The following TTBK2 variants were observed in gnomAD, a reference collection of about 807,000 sequenced individuals.
The protein encoded by TTBK2 is tau-tubulin kinase 2.
A neutral mutation model predicts 110.8 loss-of-function variants in TTBK2; 28 were observed. The observed-to-expected ratio is 0.25, with a 90% confidence interval of 0.19 to 0.35. The LOEUF is 0.35. Among genes scored for constraint, TTBK2 ranks in the 10% least tolerant of loss-of-function variants. TTBK2 has a pLI of 1.00. For synonymous variants in TTBK2, 532 were observed against 527.3 expected (o/e 1.01, Z -0.12); for missense variants, 1,369 against 1,500.3 (o/e 0.91, Z 1.45).
intron 3 of TTBK2, among the ~76,000 whole-genome samples, chr15:42,843,575 A>G (rs1282126393): frequency 6.6e-6 from 1 of 151,984 alleles, no homozygotes; most frequent in Non-Finnish European, 1.5e-5. Flanking sequence ...GCTGGCCAAT[A>G]TGGTGAAACC....
chr15:42,749,333 T>C (rs139008398), intron 14 of TTBK2, among the ~76,000 whole-genome samples: 1 of 152,350 alleles, frequency 6.6e-6, no homozygotes, highest in East Asian at 1.9e-4. Flanking sequence ...ATCTGTCTGA[T>C]GTAATTATCT....
intron 9 of TTBK2, chr15:42,802,006 A>G (rs1239759763): frequency 6.6e-7 from 1 of 1,509,718 alleles, no homozygotes; most frequent in Non-Finnish European, 9.1e-7. Flanking sequence ...CATGTTGTCC[A>G]TGTTGCTCCG....
At chr15:42,887,611 T>C (rs895966564) in intron 1 of TTBK2, among the ~76,000 whole-genome samples, 1 of 152,164 alleles carries the variant, frequency 6.6e-6, no homozygotes, top group Non-Finnish European at 1.5e-5. Context: ...TAGTCCAGGA[T>C]CTGCGCCTTA....
intron 1 of TTBK2, among the ~76,000 whole-genome samples, chr15:42,913,896 T>C (rs561200272): frequency 1.3e-5 from 2 of 152,150 alleles, no homozygotes; most frequent in Admixed American, 6.5e-5. Context: ...ATTATGTCTA[T>C]GATCTTCCCA....
chr15:42,887,700 C>G (rs1895300475), intron 1 of TTBK2, among the ~76,000 whole-genome samples: 1 of 152,172 alleles, frequency 6.6e-6, no homozygotes, highest in African/African-American at 2.4e-5. Flanking sequence ...CCCTCCACAA[C>G]CCATTATTCT....
chr15:42,861,941 G>A (rs1014181848), intron 3 of TTBK2, among the ~76,000 whole-genome samples: 1 of 152,098 alleles, frequency 6.6e-6, no homozygotes, highest in African/African-American at 2.4e-5. Context: ...AAGATCCTCC[G>A]AAGTTATTAT....
Position 42,816,401 on chromosome 15 carries a change from C to T in TTBK2, c.603+631G>A, listed in dbSNP as rs118009699. 2.4e-4 allele frequency among the ~76,000 whole-genome samples: 36 copies of T among 151,536 alleles called. 1 individual carries two copies. In the East Asian group the frequency reaches 6.7e-3, roughly 28 times the overall value. On this transcript the variant is annotated intron_variant, in intron 7 of 14. Coordinates refer to ENST00000267890, the MANE Select transcript of TTBK2 (RefSeq NM_173500.4). ...AACTTCTATATTAAATTTGTTAATA[C>T]TTATATCTAATTAAGGACACAGATT...
At position 42,914,340 on chromosome 15, in the gene TTBK2, T is replaced by C. The variant is rs191793117; in HGVS notation, c.-68+6098A>G. ...CAGTATAATATAATATATCCTAATA[T>C]ATTATATCCTAATCACTTGTACATT... is the stretch of plus-strand genomic sequence containing the variant. On this transcript the variant is annotated intron_variant, in intron 1 of 14. Transcript: ENST00000267890. Among the ~76,000 whole-genome samples the C allele has an allele frequency of 1.8e-3, 270 of 152,232 alleles. 2 individuals carry two copies. The highest frequency in any genetic ancestry group is 4.5e-3 in the African/African-American group (188 of 41,534).
chr15:42,766,446 C>CAAAAAAAAGAAAA (rs1889378101), intron 13 of TTBK2, among the ~76,000 whole-genome samples: 1 of 30,860 alleles, frequency 3.2e-5, no homozygotes, highest in African/African-American at 3.2e-4. Context: ...GAATGGAAAG[C>CAAAAAAAAGAAAA]AAAAAAAAAA....
At chr15:42,914,132 A>G (rs1308841088) in intron 1 of TTBK2, among the ~76,000 whole-genome samples, 1 of 151,962 alleles carries the variant, frequency 6.6e-6, no homozygotes, top group Non-Finnish European at 1.5e-5. Flanking sequence ...GCGTGCCACC[A>G]TACCCGGCTA....
At chr15:42,868,627 C>T (rs1343300055) in intron 3 of TTBK2, among the ~76,000 whole-genome samples, 2 of 148,802 alleles carry the variant, frequency 1.3e-5, no homozygotes, top group Non-Finnish European at 3.0e-5. Flanking sequence ...GAGGCCGAGG[C>T]AAGAGGACTG....
chr15:42,864,829 CTTATGCT>C (rs1894302183), intron 3 of TTBK2, among the ~76,000 whole-genome samples: 1 of 152,044 alleles, frequency 6.6e-6, no homozygotes, highest in Admixed American at 6.6e-5. Flanking sequence ...AATTATTTTT[CTTATGCT>C]TAATTGATCT....
chr15:42,817,425 T>C lies in TTBK2; in HGVS notation c.538-328A>G, dbSNP rs572930944. Among the ~76,000 whole-genome samples, 3 of 152,292 alleles carry C rather than the reference T, an allele frequency of 2.0e-5. No homozygotes were observed. The South Asian group carries it at 6.2e-4, about 32-fold the overall frequency. ...TTCATATACCCATAATCGTGGTAAG[T>C]ATCATAGTATATACATTAATATTCA... On this transcript the variant is annotated intron_variant, in intron 6 of 14. Transcript: ENST00000267890.
At chr15:42,883,084 C>CA (rs566252690) in intron 1 of TTBK2, among the ~76,000 whole-genome samples, 67 of 151,438 alleles carry the variant, frequency 4.4e-4, no homozygotes, top group South Asian at 2.1e-3. Context: ...AACACTACTC[C>CA]AAAAAAAAGG....
At chr15:42,827,428 C>A (rs536371492) in intron 6 of TTBK2, among the ~76,000 whole-genome samples, 1 of 152,102 alleles carries the variant, frequency 6.6e-6, no homozygotes, top group East Asian at 1.9e-4. Context: ...GGGAAAAAGG[C>A]AGGCAACAGA....
intron 1 of TTBK2, among the ~76,000 whole-genome samples, chr15:42,903,623 A>G (rs887620020): frequency 6.6e-6 from 1 of 152,176 alleles, no homozygotes; most frequent in African/African-American, 2.4e-5. Flanking sequence ...CCAATTAGGA[A>G]CCGAACACTA....
rs980222112 is a variant in TTBK2 at position 42,895,610 on chromosome 15, T to C, written c.-67-16926A>G. On this transcript the variant is annotated intron_variant, in intron 1 of 14. Transcript: ENST00000267890. Reference sequence around the variant, plus strand: ...TGGAGTGCAGTGGCAGGATCTCAGCTCACTGCAAGTTCCGCCTCCCGGGTT... The same window carrying C: ...TGGAGTGCAGTGGCAGGATCTCAGCCCACTGCAAGTTCCGCCTCCCGGGTT... 2.0e-5 allele frequency among the ~76,000 whole-genome samples: 3 copies of C among 151,344 alleles called. No individual in the cohort carries two copies. The South Asian group carries it at 6.3e-4, about 32-fold the overall frequency.
chr15:42,816,057 A>AAT (rs1410112235), intron 7 of TTBK2, among the ~76,000 whole-genome samples: 12 of 107,252 alleles, frequency 1.1e-4, no homozygotes, highest in East Asian at 5.4e-4. Context: ...TCTATATAAA[A>AAT]ATATATATAT....
At chr15:42,802,868 C>T (rs1160667895) in intron 9 of TTBK2, among the ~76,000 whole-genome samples, 1 of 152,202 alleles carries the variant, frequency 6.6e-6, no homozygotes, top group Non-Finnish European at 1.5e-5. Flanking sequence ...AATCTGGGCA[C>T]TATCTAATCA....
Sources: gnomAD v4.1 joint callset for allele counts (sites outside exome capture counted in the v4.1 genomes callset) on GRCh38, gnomAD v4.1.1 for gene constraint, MANE v1.5 for transcripts, NCBI Gene and HGNC (gene_info 2026-07-23, HGNC 2026-07-21) for gene names.